SLC24A1: variants seen among roughly 807,000 people sequenced by gnomAD.
SLC24A1 encodes the protein solute carrier family 24 member 1.
Under a neutral mutation model 88.1 loss-of-function variants are expected in SLC24A1, and 52 were observed. The ratio of observed to expected loss-of-function variants is 0.59; its 90% CI spans 0.47 to 0.74. SLC24A1 has a LOEUF of 0.74. SLC24A1 is among the 30% of genes least tolerant of loss of function. SLC24A1 has a pLI of 0.00. For missense variants in SLC24A1, 1,173 were observed against 1,363.3 expected (o/e 0.86, Z 2.20); for synonymous variants, 455 against 498.0 (o/e 0.91, Z 1.15).
At chr15:65,627,667 C>G (rs1452730656) in intron 2 of SLC24A1, among the ~76,000 whole-genome samples, 1 of 152,214 alleles carries the variant, frequency 6.6e-6, no homozygotes, top group Non-Finnish European at 1.5e-5. Flanking sequence ...CCATGAAGTC[C>G]TGGTATTCTC....
At chr15:65,644,163 A>C in intron 4 of SLC24A1, 1 of 441,086 alleles carries the variant, frequency 2.3e-6, no homozygotes, top group Non-Finnish European at 4.2e-6. Flanking sequence ...CCAGAGAGGA[A>C]ATAGGCCTTG....
At position 65,651,724 on chromosome 15, in the gene SLC24A1, A is replaced by G; in HGVS notation, c.2848A>G (p.Met950Val). Residue 950 changes from methionine (M) to valine (V), a missense_variant, in exon 8 of 10, where the codon ATG (methionine) becomes GTG (valine). By Grantham distance (21) the Met-to-Val change is conservative. Transcript: ENST00000261892. ...TFLGSIMWIAMFSYLMVWWAH... is the reference protein window; with the variant it reads ...TFLGSIMWIAVFSYLMVWWAH... ...CCTGGGATCTATCATGTGGATAGCC[A>G]TGTTCTCATACCTCATGGTGTGGTG... The G allele has an allele frequency of 1.2e-6, 2 of 1,610,124 alleles. No homozygotes were observed. Among genetic ancestry groups the G allele is most frequent in the Non-Finnish European group, 1.7e-6 (2 of 1,176,500 alleles).
At position 65,625,791 on chromosome 15, in the gene SLC24A1, A is replaced by G. The variant is rs748914961; in HGVS notation, c.1711A>G (p.Met571Val). The G allele has an allele frequency of 1.2e-6, 2 of 1,613,938 alleles. No individual in the cohort carries two copies. Among genetic ancestry groups the G allele is most frequent in the Non-Finnish European group, 1.7e-6 (2 of 1,179,854 alleles). Residue 571 changes from methionine to valine, a missense_variant, in exon 2 of 10, where the codon ATG becomes GTG. Coordinates refer to ENST00000261892, the MANE Select transcript of SLC24A1 (RefSeq NM_004727.3). ...DVSFYILDLI[M>V]LILFFLDSLI... is the part of the protein sequence containing the mutation. Reference sequence around the variant, plus strand: ...CTCCTTCTACATCCTTGACCTGATAATGCTCATCCTCTTCTTCCTGGACAG... The same window carrying G: ...CTCCTTCTACATCCTTGACCTGATAGTGCTCATCCTCTTCTTCCTGGACAG...
At chr15:65,648,672 AT>A (rs527349496) in intron 6 of SLC24A1, among the ~76,000 whole-genome samples, 8 of 151,164 alleles carry the variant, frequency 5.3e-5, no homozygotes, top group African/African-American at 1.7e-4. Flanking sequence ...TTATTTATTT[AT>A]TTTTTTTAAG....
chr15:65,641,427 GTGA>G (rs1270115773), intron 4 of SLC24A1, among the ~76,000 whole-genome samples: 2 of 152,062 alleles, frequency 1.3e-5, no homozygotes, highest in African/African-American at 4.8e-5. Context: ...TCAAAGACAA[GTGA>G]TGAAACCTTC....
At chr15:65,619,603 C>G (rs954936302), upstream of SLC24A1, among the ~76,000 whole-genome samples, 19 of 151,870 alleles carry the variant, frequency 1.3e-4, no homozygotes, top group African/African-American at 4.6e-4. Flanking sequence ...TTCTACTGTA[C>G]AACTGTAGAG....
At chr15:65,638,005 G>T (rs2074996855) in intron 2 of SLC24A1, 123 bp from the exon 3 acceptor site, 1 of 727,968 alleles carries the variant, frequency 1.4e-6, no homozygotes. Flanking sequence ...AACATTTTCT[G>T]AGACCAGGTT....
At position 65,650,960 on chromosome 15, in the gene SLC24A1, T is replaced by C. The variant is rs751743166; in HGVS notation, c.2793+18T>C. ...GAAGGCAGGTGAGTGTGCCCATCTG[T>C]ATCTCAGACTCTTTATCCCCAGCAG... On this transcript the variant is annotated intron_variant, in intron 7 of 9. Transcript: ENST00000261892. This position sits in a 1 kb window ranked among gnomAD's most constrained non-coding sequence, Gnocchi z 4.1. 1 of 1,607,142 alleles carries C rather than the reference T, an allele frequency of 6.2e-7. No individual in the cohort carries two copies. The highest frequency in any genetic ancestry group is 1.1e-5 in the South Asian group (1 of 90,908).
rs35141100 is a variant in SLC24A1, at chr15:65,613,480, T to TTGTGTGTGTGTGTGTG, written c.-228+876_-228+891dup. 7.7e-3 allele frequency among the ~76,000 whole-genome samples: 1,146 copies of TTGTGTGTGTGTGTGTG among 149,102 alleles called. 9 individuals carry two copies. Among genetic ancestry groups the TTGTGTGTGTGTGTGTG allele is most frequent in the African/African-American group, 0.021 (845 of 40,516 alleles). ...TTGCTGTTAAGTTCCCAGGGTGATTTTGTGTGTGTGTGTGTGTGTGTGTGG... is the reference window on the plus strand; with the variant it reads ...TTGCTGTTAAGTTCCCAGGGTGATTTTGTGTGTGTGTGTGTGTGTGTGTGTGTGTGTGTGTGTGTGG... On this transcript the variant is annotated intron_variant, in intron 2 of 11. Coordinates refer to the SLC24A1 transcript ENST00000537259.
intron 5 of SLC24A1, 122 bp downstream of exon 5, chr15:65,644,635 T>G: frequency 1.5e-6 from 1 of 667,644 alleles, no homozygotes; most frequent in South Asian, 1.8e-5. Context: ...TTGGCCTCTG[T>G]GAGCCAGTCA....
rs1249488278 is a variant in SLC24A1, at chr15:65,654,197, G to A, written c.*118G>A. The A allele has an allele frequency of 4.0e-6, 6 of 1,484,720 alleles. No homozygotes were observed. The highest frequency in any genetic ancestry group is 5.3e-6 in the Non-Finnish European group (6 of 1,122,334). The allele number at this position is 1,484,720 out of a possible 1,614,324, so 92.0% of individuals were successfully genotyped here. A position where few individuals can be genotyped will look rare whatever the true frequency, so the allele number is the denominator to read the frequency against. ...CCTGGAAAGTGAACTGGGTGACCTAGGACCTCTGATATGAATGTGATCTGA... is the reference window on the plus strand; with the variant it reads ...CCTGGAAAGTGAACTGGGTGACCTAAGACCTCTGATATGAATGTGATCTGA... On this transcript the variant is annotated 3_prime_UTR_variant, in exon 10 of 10. Coordinates refer to ENST00000261892, the MANE Select transcript of SLC24A1 (RefSeq NM_004727.3).
At chr15:65,636,916 G>T (rs1463156246) in intron 2 of SLC24A1, among the ~76,000 whole-genome samples, 1 of 150,036 alleles carries the variant, frequency 6.7e-6, no homozygotes, top group African/African-American at 2.5e-5. Flanking sequence ...AGCACTGAAG[G>T]TCACTCACTT....
At chr15:65,637,532 G>A (rs992354001) in intron 2 of SLC24A1, among the ~76,000 whole-genome samples, 2 of 152,198 alleles carry the variant, frequency 1.3e-5, no homozygotes, top group South Asian at 2.1e-4. Context: ...TAGATTAAGT[G>A]TATTTAGAGG....
At chr15:65,649,255 G>A (rs146295567) in intron 6 of SLC24A1, among the ~76,000 whole-genome samples, 15 of 152,094 alleles carry the variant, frequency 9.9e-5, no homozygotes, top group African/African-American at 2.9e-4. Context: ...GCCTGCCACC[G>A]CGCCCAGCTA....
downstream of SLC24A1, among the ~76,000 whole-genome samples, chr15:65,657,242 T>C (rs1322916479): frequency 6.6e-6 from 1 of 152,216 alleles, no homozygotes; most frequent in Non-Finnish European, 1.5e-5. Context: ...TTTTACCAAA[T>C]TACAGGCTTA....
intron 2 of SLC24A1, among the ~76,000 whole-genome samples, chr15:65,636,011 G>C (rs1380760191): frequency 6.6e-6 from 1 of 152,178 alleles, no homozygotes; most frequent in East Asian, 1.9e-4. Context: ...CCTAGATCAA[G>C]CACTATTTTC....
At chr15:65,644,270 C>G in intron 4 of SLC24A1, 157 bp from the exon 5 acceptor site, 2 of 670,332 alleles carry the variant, frequency 3.0e-6, no homozygotes, top group East Asian at 2.7e-5. Flanking sequence ...AACTAGGCCT[C>G]GTAGGATCAG....
At chr15:65,615,417 T>C (rs2040251513) in intron 2 of SLC24A1, among the ~76,000 whole-genome samples, 1 of 152,224 alleles carries the variant, frequency 6.6e-6, no homozygotes, top group African/African-American at 2.4e-5. Context: ...GCACGGTGGC[T>C]CACGCCTGTA....
chr15:65,619,995 A>C (rs1334391082), upstream of SLC24A1, among the ~76,000 whole-genome samples: 1 of 151,796 alleles, frequency 6.6e-6, no homozygotes, highest in African/African-American at 2.4e-5. Context: ...TCTCCTCTCC[A>C]TCCATGTGTA....
Sources: gnomAD v4.1 joint callset for allele counts (sites outside exome capture counted in the v4.1 genomes callset) on GRCh38, gnomAD v4.1.1 for gene constraint, Gnocchi (gnomAD v3.1) non-coding constraint, MANE v1.5 for transcripts, NCBI Gene and HGNC (gene_info 2026-07-23, HGNC 2026-07-21) for gene names.